Variants in PCBP2 observed in about 807,000 individuals in gnomAD.
PCBP2 encodes the protein poly(rC) binding protein 2.
A neutral mutation model predicts 50.1 loss-of-function variants in PCBP2; 4 were observed. That is an observed-to-expected ratio of 0.08 (90% CI 0.04 to 0.18). The LOEUF (loss-of-function observed/expected upper bound fraction) is 0.18, where lower values mean the gene tolerates loss of function less well. PCBP2 is among the 10% of genes least tolerant of loss of function. The pLI, the probability that PCBP2 is intolerant of heterozygous loss-of-function variation, is 1.00. For missense variants in PCBP2, 161 were observed against 474.3 expected, an observed-to-expected ratio of 0.34 and a Z score of 6.14; for synonymous variants, 179 against 168.0, an observed-to-expected ratio of 1.07 and a Z score of -0.51.
chr12:53,459,259 T>G lies in PCBP2; in HGVS notation c.244-13T>G. On this transcript the variant is annotated splice_polypyrimidine_tract_variant and intron_variant, in intron 5 of 14. Coordinates refer to ENST00000546463, the MANE Select transcript of PCBP2 (RefSeq NM_031989.5). ...CAGGGATCTGCTTATTGTGGTGTTC[T>G]TTCTTTCTGTAGGACATAAGCAGCT... 5 of 1,590,582 alleles carry G rather than the reference T, an allele frequency of 3.1e-6. No homozygotes were observed. Among genetic ancestry groups the G allele is most frequent in the Non-Finnish European group, 2.6e-6 (3 of 1,167,306 alleles).
rs201042183 is a variant in PCBP2, at chr12:53,456,016, A to C, written c.243+15A>C. On this transcript the variant is annotated intron_variant, in intron 5 of 14. Coordinates refer to ENST00000546463, the MANE Select transcript of PCBP2 (RefSeq NM_031989.5). ...AACTGGAAGAGGTTTGTTGTCTCCC[A>C]CTCCCTCATTCTTCATTTTTAAGTG... The C allele has an allele frequency of 2.1e-6, 3 of 1,421,590 alleles. No homozygotes were observed. The East Asian group carries it at 6.8e-5, about 32-fold the overall frequency. The allele number at this position is 1,421,590 out of a possible 1,614,324, so 88.1% of individuals were successfully genotyped here.
At chr12:53,466,830 C>T (rs1941860238) in intron 10 of PCBP2, among the ~76,000 whole-genome samples, 1 of 151,974 alleles carries the variant, frequency 6.6e-6, no homozygotes, top group Non-Finnish European at 1.5e-5. Flanking sequence ...CTGATGAAAC[C>T]CTGCATGGTG....
intron 8 of PCBP2, chr12:53,464,326 C>G (rs150696324): frequency 3.3e-5 from 5 of 150,328 alleles, no homozygotes; most frequent in African/African-American, 1.2e-4. Context: ...CCCTCCCTCC[C>G]TCCCCTTTAT....
At chr12:53,466,052 C>A in intron 10 of PCBP2, 79 bp downstream of exon 10, 1 of 1,201,326 alleles carries the variant, frequency 8.3e-7, no homozygotes, top group Non-Finnish European at 1.2e-6. Flanking sequence ...TCCCAAGTAG[C>A]CAGAAGTGAG....
intron 12 of PCBP2, 103 bp downstream of exon 12, chr12:53,467,946 A>G (rs771622044): frequency 3.4e-5 from 32 of 940,190 alleles, no homozygotes; most frequent in Middle Eastern, 2.1e-4. Context: ...CAACATGCAC[A>G]TGGCAGAGAG....
At chr12:53,457,326 A>G (rs1427851490) in intron 5 of PCBP2, among the ~76,000 whole-genome samples, 1 of 152,170 alleles carries the variant, frequency 6.6e-6, no homozygotes, top group Non-Finnish European at 1.5e-5. Flanking sequence ...TGTTGGGATT[A>G]CAGGCGTGAG....
intron 8 of PCBP2, among the ~76,000 whole-genome samples, chr12:53,463,075 A>G (rs1941565111): frequency 6.6e-6 from 1 of 152,086 alleles, no homozygotes; most frequent in Admixed American, 6.5e-5. Context: ...TTAACCTCAT[A>G]AACACTGGTT....
chr12:53,480,605 C>T lies in PCBP2; in HGVS notation c.*1163C>T, dbSNP rs1221962372. On this transcript the variant is annotated 3_prime_UTR_variant, in exon 15 of 15. Coordinates refer to ENST00000546463, the MANE Select transcript of PCBP2 (RefSeq NM_031989.5). ...CAGGGACTTAAACAGCACCCCGGTT[C>T]TTCAGCCTGAGCCATCACATGCTAT... 2.6e-5 allele frequency: 4 copies of T among 152,658 alleles called. No homozygotes were observed. The highest frequency in any genetic ancestry group is 2.0e-4 in the Admixed American group (3 of 15,272). The allele number at this position is 152,658 out of a possible 1,614,324, so 9.5% of individuals were successfully genotyped here.
At chr12:53,464,906 A>G in intron 9 of PCBP2, 54 bp downstream of exon 9, 1 of 1,537,040 alleles carries the variant, frequency 6.5e-7, no homozygotes, top group Non-Finnish European at 8.7e-7. Context: ...GCCTCAGCCG[A>G]GACTGCCAAC....
intron 7 of PCBP2, 150 bp from the exon 8 acceptor site, chr12:53,462,343 T>G: frequency 1.9e-6 from 1 of 532,714 alleles, no homozygotes; most frequent in Non-Finnish European, 3.4e-6. Context: ...GTAGATAAAT[T>G]GAGATTAGAT....
chr12:53,473,242 G>A (rs898350406), intron 14 of PCBP2, among the ~76,000 whole-genome samples: 3 of 151,792 alleles, frequency 2.0e-5, no homozygotes, highest in South Asian at 2.1e-4. Context: ...GTGCCACCAC[G>A]TCCAGCTAAT....
intron 7 of PCBP2, among the ~76,000 whole-genome samples, chr12:53,462,025 C>G (rs962785427): frequency 1.3e-5 from 2 of 152,068 alleles, no homozygotes; most frequent in Non-Finnish European, 2.9e-5. Flanking sequence ...CTGGAATTTT[C>G]AAGTAGAGAT....
intron 13 of PCBP2, 96 bp from the exon 14 acceptor site, chr12:53,471,541 TG>T: frequency 2.5e-6 from 3 of 1,187,656 alleles, no homozygotes; most frequent in Non-Finnish European, 3.3e-6. Flanking sequence ...CACTCCAGCC[TG>T]GCCACAGTCG....
intron 12 of PCBP2, chr12:53,468,351 C>T (rs1941963522): frequency 4.8e-6 from 1 of 209,004 alleles, no homozygotes; most frequent in African/African-American, 2.3e-5. Context: ...GCATGTGTGC[C>T]AGAAGTCCAT....
intron 14 of PCBP2, chr12:53,475,302 G>A (rs1439278164): frequency 5.1e-6 from 2 of 389,150 alleles, no homozygotes; most frequent in South Asian, 1.9e-5. Flanking sequence ...AAACTATTGT[G>A]AGCTTGTTAC....
intron 5 of PCBP2, 35 bp from the exon 6 acceptor site, chr12:53,459,237 G>A (rs1941268298): frequency 1.9e-6 from 3 of 1,543,492 alleles, no homozygotes; most frequent in Admixed American, 1.9e-5. Context: ...TAGTTTCCAG[G>A]GATCTGCTTA....
At chr12:53,464,504 G>T in intron 8 of PCBP2, 1 of 438,998 alleles carries the variant, frequency 2.3e-6, no homozygotes, top group Non-Finnish European at 4.0e-6. Context: ...ATCCCACACT[G>T]ACCAGGAGCT....
Position 53,467,250 on chromosome 12 carries a change from A to G in PCBP2, c.744A>G (p.Gln248=), listed in dbSNP as rs745669886. 7.4e-6 allele frequency: 12 copies of G among 1,613,988 alleles called. No individual in the cohort carries two copies. The highest frequency in any genetic ancestry group is 2.2e-5 in the East Asian group (1 of 44,892). ...DLTKLHQLAM[Q]QSHFPMTHGN... Reference sequence around the variant, plus strand: ...CCAAGCTGCACCAGTTGGCAATGCAACAGTCTCATTTTCCCATGACGCATG... The same window carrying G: ...CCAAGCTGCACCAGTTGGCAATGCAGCAGTCTCATTTTCCCATGACGCATG... Residue 248 remains glutamine, a synonymous_variant, in exon 11 of 15, where the codon CAA becomes CAG. Transcript: ENST00000546463.
chr12:53,478,671 G>GC (rs1942830988), intron 14 of PCBP2, among the ~76,000 whole-genome samples: 1 of 151,972 alleles, frequency 6.6e-6, no homozygotes, highest in African/African-American at 2.4e-5. Context: ...GGGAGTGGTG[G>GC]TGGCTGCCAG....
Sources: gnomAD v4.1 joint callset for allele counts (sites outside exome capture counted in the v4.1 genomes callset) on GRCh38, gnomAD v4.1.1 for gene constraint, MANE v1.5 for transcripts, NCBI Gene and HGNC (gene_info 2026-07-23, HGNC 2026-07-21) for gene names.